Variants in KCNJ6 observed in about 807,000 individuals in gnomAD.
KCNJ6 encodes potassium inwardly rectifying channel subfamily J member 6.
Under a neutral mutation model 34.2 loss-of-function variants are expected in KCNJ6, and 9 were observed. The ratio of observed to expected loss-of-function variants is 0.26; its 90% confidence interval spans 0.16 to 0.46. KCNJ6 has a LOEUF of 0.46. Among genes scored for constraint, KCNJ6 ranks in the 20% least tolerant of loss-of-function variants. The pLI is 1.00. For missense variants in KCNJ6, 236 were observed against 531.3 expected, an observed-to-expected ratio of 0.44 and a Z score of 5.46; for synonymous variants, 196 against 207.1, an observed-to-expected ratio of 0.95 and a Z score of 0.46.
chr21:37,679,959 TCAG>T (rs2054583564), intron 3 of KCNJ6, among the ~76,000 whole-genome samples: 1 of 152,208 alleles, frequency 6.6e-6, no homozygotes, highest in Non-Finnish European at 1.5e-5. Context: ...ATTCCCTATG[TCAG>T]CAGAAGGGCT....
chr21:37,723,578 A>G (rs2054837990), intron 2 of KCNJ6, among the ~76,000 whole-genome samples: 1 of 152,226 alleles, frequency 6.6e-6, no homozygotes, highest in South Asian at 2.1e-4. Context: ...ACCATGGAAT[A>G]CTACACAGCC....
At chr21:37,900,848 T>G (rs1332867769) in intron 1 of KCNJ6, among the ~76,000 whole-genome samples, 1 of 152,008 alleles carries the variant, frequency 6.6e-6, no homozygotes, top group Non-Finnish European at 1.5e-5. Context: ...CCCAAAGAAA[T>G]CTGCAAACCA....
At chr21:37,729,713 C>T (rs566950983) in intron 2 of KCNJ6, among the ~76,000 whole-genome samples, 6 of 152,292 alleles carry the variant, frequency 3.9e-5, no homozygotes, top group Admixed American at 1.3e-4. Flanking sequence ...TCATGTACAG[C>T]GATATAGGTT....
chr21:37,745,471 T>C (rs958961786), intron 2 of KCNJ6, among the ~76,000 whole-genome samples: 13 of 151,734 alleles, frequency 8.6e-5, no homozygotes, highest in Non-Finnish European at 1.5e-4. Flanking sequence ...AGCCAAGGAG[T>C]GCAGGTGGCC....
At chr21:37,767,125 C>T (rs976196861) in intron 2 of KCNJ6, among the ~76,000 whole-genome samples, 2 of 152,096 alleles carry the variant, frequency 1.3e-5, no homozygotes, top group African/African-American at 2.4e-5. Flanking sequence ...CTCAACACAC[C>T]GCATTAGTGT....
At chr21:37,664,203 A>G (rs925179857) in intron 3 of KCNJ6, among the ~76,000 whole-genome samples, 39 of 152,178 alleles carry the variant, frequency 2.6e-4, no homozygotes, top group African/African-American at 9.4e-4. Flanking sequence ...TTGGGGTAAA[A>G]CTGACTCTTG....
intron 3 of KCNJ6, among the ~76,000 whole-genome samples, chr21:37,645,187 G>A (rs989942076): frequency 6.6e-6 from 1 of 151,886 alleles, no homozygotes; most frequent in Non-Finnish European, 1.5e-5. Flanking sequence ...CAGCCTGGGC[G>A]ACATAAAGAG....
chr21:37,667,239 G>C (rs141555144), intron 3 of KCNJ6, among the ~76,000 whole-genome samples: 4 of 148,386 alleles, frequency 2.7e-5, no homozygotes, highest in African/African-American at 1.0e-4. Context: ...ATGTAACAAG[G>C]GCCGATGAGT....
At chr21:37,914,067 C>A (rs946577355) in intron 1 of KCNJ6, among the ~76,000 whole-genome samples, 18 of 136,276 alleles carry the variant, frequency 1.3e-4, no homozygotes, top group Admixed American at 4.5e-4. Flanking sequence ...GCGCGCGCGT[C>A]CTTTTTCTCC....
At position 37,711,797 on chromosome 21, in the gene KCNJ6, A is replaced by ATC. The variant is rs1556022869; in HGVS notation, c.946+2413_946+2414insGA. The stretch of plus-strand genomic sequence containing the variant: ...CCAGACACCTCCAGAACTTTCTAGA[A>ATC]CCCCCCCCCCAAGTCTAGAAATTAG... On this transcript the variant is annotated intron_variant, in intron 3 of 3. Coordinates refer to ENST00000609713, the MANE Select transcript of KCNJ6 (RefSeq NM_002240.5). Among the ~76,000 whole-genome samples, 5 of 142,720 alleles carry ATC rather than the reference A, an allele frequency of 3.5e-5. 1 individual carries two copies. The highest frequency in any genetic ancestry group is 6.2e-5 in the Non-Finnish European group (4 of 65,010). The allele number at this position is 142,720 out of a possible 152,430, so 93.6% of individuals were successfully genotyped here.
At chr21:37,651,709 C>G (rs1399053949) in intron 3 of KCNJ6, among the ~76,000 whole-genome samples, 1 of 152,182 alleles carries the variant, frequency 6.6e-6, no homozygotes, top group Non-Finnish European at 1.5e-5. Context: ...AACATATGGA[C>G]TCCTGGAGAG....
intron 3 of KCNJ6, among the ~76,000 whole-genome samples, chr21:37,649,408 A>G (rs1034450144): frequency 3.9e-5 from 6 of 152,194 alleles, no homozygotes; most frequent in African/African-American, 1.4e-4. Context: ...ATGCTTCTCA[A>G]TAGGAGTTAT....
At chr21:37,740,852 T>C (rs542413542) in intron 2 of KCNJ6, among the ~76,000 whole-genome samples, 1 of 152,382 alleles carries the variant, frequency 6.6e-6, no homozygotes, top group South Asian at 2.1e-4. Flanking sequence ...TAGACTTTGC[T>C]GCTAAAAAGC....
chr21:37,850,963 T>C (rs1259567831), intron 1 of KCNJ6, among the ~76,000 whole-genome samples: 10 of 152,214 alleles, frequency 6.6e-5, no homozygotes, highest in African/African-American at 2.2e-4. Context: ...GAGTAATTGA[T>C]TGATTGATTC....
At chr21:37,684,393 G>A (rs2054604237) in intron 3 of KCNJ6, among the ~76,000 whole-genome samples, 1 of 151,578 alleles carries the variant, frequency 6.6e-6, no homozygotes, top group Non-Finnish European at 1.5e-5. Flanking sequence ...ACTATGGTCT[G>A]CTCTTCTCCA....
At chr21:37,730,314 G>A (rs1234248748) in intron 2 of KCNJ6, among the ~76,000 whole-genome samples, 2 of 152,158 alleles carry the variant, frequency 1.3e-5, no homozygotes, top group East Asian at 3.8e-4. Context: ...CTGGTGACAA[G>A]GTGCTTGGCT....
chr21:37,767,114 C>T (rs2055095115), intron 2 of KCNJ6, among the ~76,000 whole-genome samples: 1 of 152,142 alleles, frequency 6.6e-6, no homozygotes, highest in Non-Finnish European at 1.5e-5. Flanking sequence ...GTCTCCCCAT[C>T]CTCAACACAC....
At chr21:37,672,618 C>A (rs1018725939) in intron 3 of KCNJ6, among the ~76,000 whole-genome samples, 7 of 152,024 alleles carry the variant, frequency 4.6e-5, no homozygotes, top group Admixed American at 2.0e-4. Flanking sequence ...ATATCCTTAG[C>A]TTAGTATAAA....
intron 2 of KCNJ6, among the ~76,000 whole-genome samples, chr21:37,716,036 C>T (rs2054788853): frequency 6.6e-6 from 1 of 152,222 alleles, no homozygotes; most frequent in East Asian, 1.9e-4. Flanking sequence ...TTAAACAAAA[C>T]CATGTATGTG....
Sources: gnomAD v4.1 joint callset for allele counts (sites outside exome capture counted in the v4.1 genomes callset) on GRCh38, gnomAD v4.1.1 for gene constraint, MANE v1.5 for transcripts, NCBI Gene and HGNC (gene_info 2026-07-23, HGNC 2026-07-21) for gene names.